MYOM1: variants seen among roughly 807,000 people sequenced by gnomAD.
The protein encoded by MYOM1 is myomesin-1.
MYOM1 carries 164 observed loss-of-function variants against 205.3 expected under a neutral mutation model. That is an observed-to-expected ratio of 0.80 (90% CI 0.70 to 0.91). The LOEUF (loss-of-function observed/expected upper bound fraction) is 0.91. Among genes scored for constraint, MYOM1 ranks in the 40% least tolerant of loss-of-function variants. The probability of loss-of-function intolerance (pLI) is 0.00; values close to 1 mark genes in which losing one functional copy is unlikely to be tolerated. For missense variants in MYOM1, 2,011 were observed against 2,127.3 expected (o/e 0.95, Z 1.08); for synonymous variants, 772 against 789.4 (o/e 0.98, Z 0.37).
intron 33 of MYOM1, among the ~76,000 whole-genome samples, chr18:3,082,788 A>T (rs16944388): frequency 0.047 from 7,148 of 152,256 alleles, 539 homozygotes; most frequent in African/African-American, 0.16. Flanking sequence ...GAATCCCAGA[A>T]GTGAACTTGA....
intron 2 of MYOM1, among the ~76,000 whole-genome samples, chr18:3,201,206 C>T (rs1473478377): frequency 6.6e-6 from 1 of 152,120 alleles, no homozygotes; most frequent in Non-Finnish European, 1.5e-5. Context: ...TGAGACCAGC[C>T]TGTCCAACAT....
At chr18:3,175,993 G>T in intron 6 of MYOM1, 49 bp downstream of exon 6, 1 of 1,182,042 alleles carries the variant, frequency 8.5e-7, no homozygotes, top group Non-Finnish European at 1.3e-6. Flanking sequence ...GGGGTGAGAA[G>T]CCTCCCTGAG....
intron 1 of MYOM1, chr18:3,216,893 C>G (rs73377274): frequency 4.6e-5 from 7 of 152,264 alleles, no homozygotes; most frequent in African/African-American, 1.7e-4. Flanking sequence ...AGTACCTCAA[C>G]ATGTGACCAT....
intron 22 of MYOM1, among the ~76,000 whole-genome samples, chr18:3,105,619 C>T (rs1311029377): frequency 1.3e-5 from 2 of 152,130 alleles, no homozygotes; most frequent in African/African-American, 2.4e-5. Context: ...CTTTAGGAGG[C>T]CGTGGCAGGG....
intron 2 of MYOM1, among the ~76,000 whole-genome samples, chr18:3,197,645 G>A (rs1022984045): frequency 2.2e-4 from 33 of 152,004 alleles, no homozygotes; most frequent in South Asian, 6.2e-4. Context: ...AGGCCAAGGC[G>A]GGCGGATCAC....
chr18:3,188,637 A>G, intron 4 of MYOM1, 111 bp downstream of exon 4: 1 of 1,224,652 alleles, frequency 8.2e-7, no homozygotes, highest in Non-Finnish European at 1.1e-6. Context: ...TCAAAAGGAA[A>G]AAAAAAAAGA....
chr18:3,126,264 C>CAA (rs575517054), intron 19 of MYOM1, among the ~76,000 whole-genome samples: 75 of 65,010 alleles, frequency 1.2e-3, no homozygotes, highest in Non-Finnish European at 1.5e-3. Context: ...GACTTCATCT[C>CAA]AAAAAAAAAA....
Position 3,187,712 on chromosome 18 carries a change from A to G in MYOM1, c.772-75T>C. 16 of 1,395,042 alleles carry G rather than the reference A, an allele frequency of 1.1e-5. No individual in the cohort carries two copies. The South Asian group carries it at 2.5e-4, about 22-fold the overall frequency. The allele number at this position is 1,395,042 out of a possible 1,614,324, so 86.4% of individuals were successfully genotyped here. A position where few individuals can be genotyped will look rare whatever the true frequency, so the allele number is the denominator to read the frequency against. On this transcript the variant is annotated intron_variant, in intron 4 of 37. Transcript: ENST00000356443. Reference sequence around the variant, plus strand: ...CAAAGTGAATTTTGGTGCTAAAATAACAAGTAGAAGGCAAAAGTTTTATTT... The same window carrying G: ...CAAAGTGAATTTTGGTGCTAAAATAGCAAGTAGAAGGCAAAAGTTTTATTT...
In MYOM1 at chr18:3,135,325, G is replaced by GA. The variant is rs1567925944; in HGVS notation, c.2209+221dup. ...ATAAACTAAATGTCCATGAACTTCA[G>GA]AAAAAACACATTATCAATATTGTTG... On this transcript the variant is annotated intron_variant, in intron 15 of 37. Transcript: ENST00000356443. This position sits in a 1 kb window ranked among gnomAD's most constrained non-coding sequence, Gnocchi z 4.1. 2.2e-6 allele frequency: 1 copy of GA among 456,226 alleles called. No individual in the cohort carries two copies. Among genetic ancestry groups the GA allele is most frequent in the South Asian group, 4.0e-5 (1 of 24,814 alleles). 28.3% of individuals were successfully genotyped at this position (456,226 alleles called of 1,614,324 possible). A position where few individuals can be genotyped will look rare whatever the true frequency, so the allele number is the denominator to read the frequency against.
intron 15 of MYOM1, 118 bp from the exon 16 acceptor site, chr18:3,134,942 G>A: frequency 9.7e-7 from 1 of 1,027,288 alleles, no homozygotes; most frequent in Non-Finnish European, 1.4e-6. Flanking sequence ...AAGAACAGCT[G>A]CTTTATTTTA....
At chr18:3,234,114 A>T in the MYOM1 span, among the ~76,000 whole-genome samples, 11 of 152,234 alleles carry the variant, frequency 7.2e-5, no homozygotes, top group African/African-American at 2.4e-4. Context: ...CTTGCAGCTA[A>T]TGTTAATGAG....
At chr18:3,073,889 G>A (rs1021486973) in intron 36 of MYOM1, among the ~76,000 whole-genome samples, 8 of 152,086 alleles carry the variant, frequency 5.3e-5, no homozygotes, top group East Asian at 1.9e-4. Context: ...TTTTCCTTTC[G>A]CTTAATAAAT....
chr18:3,201,533 CAT>C (rs1441686052), intron 2 of MYOM1, among the ~76,000 whole-genome samples: 1 of 151,974 alleles, frequency 6.6e-6, no homozygotes, highest in African/African-American at 2.4e-5. Context: ...CACATACACA[CAT>C]GTACATGCAC....
intron 2 of MYOM1, among the ~76,000 whole-genome samples, chr18:3,211,336 T>A (rs997606942): frequency 6.6e-6 from 1 of 152,184 alleles, no homozygotes; most frequent in African/African-American, 2.4e-5. Context: ...GTTATTCATT[T>A]TTAGACTTTC....
chr18:3,181,461 C>A (rs1163901832), intron 5 of MYOM1, among the ~76,000 whole-genome samples: 2 of 152,022 alleles, frequency 1.3e-5, no homozygotes, highest in Admixed American at 6.6e-5. Flanking sequence ...TTTGTGTTAA[C>A]CATTTTAAAT....
chr18:3,084,372 C>T (rs543137080), intron 31 of MYOM1, among the ~76,000 whole-genome samples: 1 of 151,702 alleles, frequency 6.6e-6, no homozygotes, highest in Non-Finnish European at 1.5e-5. Context: ...CATTAGAGGA[C>T]ATTTTCTTAG....
chr18:3,227,527 G>C, the MYOM1 span, among the ~76,000 whole-genome samples: 1 of 152,074 alleles, frequency 6.6e-6, no homozygotes, highest in Non-Finnish European at 1.5e-5. Context: ...AAAAGCTCTA[G>C]AGCAATGTGA....
chr18:3,090,534 G>A lies in MYOM1; in HGVS notation c.4009+124C>T, dbSNP rs570257385. The A allele has an allele frequency of 5.4e-6, 7 of 1,292,740 alleles. No individual in the cohort carries two copies. In the East Asian group the frequency reaches 1.6e-4, roughly 30 times the overall value. The allele number at this position is 1,292,740 out of a possible 1,614,324, so 80.1% of individuals were successfully genotyped here. The stretch of plus-strand genomic sequence containing the variant: ...CGCGCCCAGCTGAAAATTGTATTTT[G>A]AACATTAGAAGTCAATTAAGAAAAA... On this transcript the variant is annotated intron_variant, in intron 27 of 37. Transcript: ENST00000356443.
At chr18:3,192,132 T>TG (rs979563006) in intron 3 of MYOM1, among the ~76,000 whole-genome samples, 5 of 152,104 alleles carry the variant, frequency 3.3e-5, no homozygotes, top group African/African-American at 1.2e-4. Flanking sequence ...CCCTGCCAGG[T>TG]GGAGTCATGT....
Sources: gnomAD v4.1 joint callset for allele counts (sites outside exome capture counted in the v4.1 genomes callset) on GRCh38, gnomAD v4.1.1 for gene constraint, Gnocchi (gnomAD v3.1) non-coding constraint, MANE v1.5 for transcripts, NCBI Gene and HGNC (gene_info 2026-07-23, HGNC 2026-07-21) for gene names.